ADAM9: variants seen among roughly 807,000 people sequenced by gnomAD.
The protein encoded by ADAM9 is ADAM metallopeptidase domain 9.
In ADAM9, 54 loss-of-function variants were observed where a neutral mutation model predicts 108.1. The ratio of observed to expected loss-of-function variants is 0.50; its 90% CI spans 0.40 to 0.63. The LOEUF (loss-of-function observed/expected upper bound fraction) is 0.63, where lower values mean the gene tolerates loss of function less well. Ranked by LOEUF, ADAM9 falls within the 20% of genes least tolerant of loss-of-function variation. The probability of loss-of-function intolerance (pLI) is 0.00; values close to 1 mark genes in which losing one functional copy is unlikely to be tolerated. For synonymous variants in ADAM9, 316 were observed against 336.0 expected (o/e 0.94, Z 0.65); for missense variants, 830 against 997.7 (o/e 0.83, Z 2.26).
At chr8:39,101,396 T>C (rs1017391426) in intron 20 of ADAM9, among the ~76,000 whole-genome samples, 6 of 152,184 alleles carry the variant, frequency 3.9e-5, no homozygotes, top group Non-Finnish European at 7.3e-5. Context: ...TTAGTACTTA[T>C]ATGTGAATAA....
At chr8:39,003,936 C>T (rs551704421) in intron 1 of ADAM9, among the ~76,000 whole-genome samples, 58 of 151,880 alleles carry the variant, frequency 3.8e-4, no homozygotes, top group African/African-American at 1.3e-3. Flanking sequence ...TTGGCAGTCT[C>T]GGTAAAAGAT....
intron 18 of ADAM9, among the ~76,000 whole-genome samples, chr8:39,086,831 T>C (rs908665127): frequency 6.6e-6 from 1 of 152,200 alleles, no homozygotes; most frequent in Non-Finnish European, 1.5e-5. Context: ...GCATTTAGTC[T>C]AGGGCTGATT....
chr8:39,060,422 T>C (rs1373966998), intron 14 of ADAM9, among the ~76,000 whole-genome samples: 1 of 152,132 alleles, frequency 6.6e-6, no homozygotes, highest in African/African-American at 2.4e-5. Flanking sequence ...GCTCTTTGGG[T>C]CAGTGGGTAA....
intron 18 of ADAM9, 119 bp downstream of exon 18, chr8:39,083,192 C>A: frequency 1.3e-6 from 1 of 772,286 alleles, no homozygotes. Context: ...GTTGATTCAG[C>A]CTCCTAAATT....
At chr8:39,098,567 A>G (rs77040451) in intron 20 of ADAM9, among the ~76,000 whole-genome samples, 2,098 of 152,340 alleles carry the variant, frequency 0.014, 36 homozygotes, top group Middle Eastern at 0.027. Context: ...CACTAGTTTT[A>G]TAGTACATTT....
chr8:39,045,490 G>A (rs1588378995), intron 12 of ADAM9, among the ~76,000 whole-genome samples: 2 of 144,788 alleles, frequency 1.4e-5, no homozygotes, highest in Non-Finnish European at 3.1e-5. Context: ...CTATATGTGC[G>A]TGTGTATACA....
intron 16 of ADAM9, 94 bp downstream of exon 16, chr8:39,077,505 GTAATCTAAAT>G: frequency 8.4e-7 from 1 of 1,189,992 alleles, no homozygotes; most frequent in Non-Finnish European, 1.2e-6. Context: ...GATTGTAAAA[GTAATCTAAAT>G]TCATTATAGA....
chr8:39,025,926 G>A (rs760676256), intron 10 of ADAM9, 42 bp downstream of exon 10: 1 of 1,568,934 alleles, frequency 6.4e-7, no homozygotes, highest in African/African-American at 1.4e-5. Flanking sequence ...TTTGCACTGG[G>A]ACAATATCAA....
At chr8:39,075,866 AACTG>A (rs1378779825) in intron 15 of ADAM9, 1 of 152,238 alleles carries the variant, frequency 6.6e-6, no homozygotes, top group Non-Finnish European at 1.5e-5. Flanking sequence ...CAGCTGAAGA[AACTG>A]AAGCTCAGAA....
intron 10 of ADAM9, 52 bp from the exon 11 acceptor site, chr8:39,026,625 A>G: frequency 6.2e-7 from 1 of 1,613,210 alleles, no homozygotes; most frequent in Non-Finnish European, 8.5e-7. Context: ...TGAGCAGCAA[A>G]ACATTTTCTT....
chr8:39,068,644 C>T (rs1414051336), intron 14 of ADAM9, among the ~76,000 whole-genome samples: 2 of 128,796 alleles, frequency 1.6e-5, no homozygotes, highest in East Asian at 2.4e-4. Flanking sequence ...CATTGCACTC[C>T]AGCCCGAGTG....
At position 39,077,223 on chromosome 8, in the gene ADAM9, T is replaced by G. The variant is rs1838876615; in HGVS notation, c.1698-5T>G. 6.2e-7 allele frequency: 1 copy of G among 1,613,974 alleles called. No individual in the cohort carries two copies. Among genetic ancestry groups the G allele is most frequent in the East Asian group, 2.2e-5 (1 of 44,878 alleles). On this transcript the variant is annotated splice_region_variant and splice_polypyrimidine_tract_variant and intron_variant, in intron 15 of 21. Transcript: ENST00000487273. ...TTATGTTGCATTATTTCTCTCTCTT[T>G]ATAGGAATGCTTTGTGTGGAAAGCT...
chr8:39,001,484 TA>T (rs1332970778), intron 1 of ADAM9, among the ~76,000 whole-genome samples: 1 of 152,184 alleles, frequency 6.6e-6, no homozygotes, highest in Non-Finnish European at 1.5e-5. Flanking sequence ...TGGAGGAACT[TA>T]AATTGTCTAG....
At chr8:39,089,144 G>A (rs1338098985) in intron 18 of ADAM9, among the ~76,000 whole-genome samples, 3 of 152,282 alleles carry the variant, frequency 2.0e-5, no homozygotes, top group Admixed American at 6.5e-5. Context: ...AGCTACTCGG[G>A]AGGTGGAGGC....
chr8:39,040,292 G>T (rs529328215), intron 11 of ADAM9, among the ~76,000 whole-genome samples: 1 of 151,964 alleles, frequency 6.6e-6, no homozygotes, highest in Admixed American at 6.6e-5. Context: ...CAAGCGATCC[G>T]CCCGCCTCAG....
At chr8:39,080,764 C>A (rs1334347606) in intron 16 of ADAM9, among the ~76,000 whole-genome samples, 3 of 151,882 alleles carry the variant, frequency 2.0e-5, no homozygotes, top group Admixed American at 2.0e-4. Context: ...AACTCCTCAC[C>A]TTCATTTTTA....
At position 38,997,451 on chromosome 8, in the gene ADAM9, G is replaced by A. The variant is rs561879695; in HGVS notation, c.97+291G>A. Among the ~76,000 whole-genome samples the A allele has an allele frequency of 2.5e-3, 377 of 152,224 alleles. 1 individual carries two copies. The highest frequency in any genetic ancestry group is 4.6e-3 in the Non-Finnish European group (312 of 67,994). ...ATCCCTCGCCGCCTCGCGCGACCCC[G>A]GGTCCCCCAGACGCCCCGAAACCCG... On this transcript the variant is annotated intron_variant, in intron 1 of 21. Coordinates refer to ENST00000487273, the MANE Select transcript of ADAM9 (RefSeq NM_003816.3).
intron 20 of ADAM9, among the ~76,000 whole-genome samples, chr8:39,095,512 CTT>C (rs555941569): frequency 8.4e-4 from 128 of 152,204 alleles, no homozygotes; most frequent in African/African-American, 3.0e-3. Context: ...TGATGTCAGT[CTT>C]TTAAAATTTG....
At chr8:39,051,049 T>G (rs560392663) in intron 12 of ADAM9, among the ~76,000 whole-genome samples, 29 of 152,086 alleles carry the variant, frequency 1.9e-4, no homozygotes, top group Non-Finnish European at 1.0e-4. Context: ...GTGGTCCTCC[T>G]TTGGGAGAAG....
Sources: gnomAD v4.1 joint callset for allele counts (sites outside exome capture counted in the v4.1 genomes callset) on GRCh38, gnomAD v4.1.1 for gene constraint, MANE v1.5 for transcripts, NCBI Gene and HGNC (gene_info 2026-07-23, HGNC 2026-07-21) for gene names.